CXCL13: variants seen among roughly 807,000 people sequenced by gnomAD.
CXCL13 encodes the protein C-X-C motif chemokine ligand 13, also known as C-X-C motif chemokine 13.
CXCL13 carries 7 observed loss-of-function variants against 12.2 expected under a neutral mutation model. That is an observed-to-expected ratio of 0.57 (90% CI 0.33 to 1.07). The LOEUF (loss-of-function observed/expected upper bound fraction) is 1.07. Ranked by LOEUF, CXCL13 falls within the 50% of genes least tolerant of loss-of-function variation. CXCL13 has a pLI of 0.04. For missense variants in CXCL13, 113 were observed against 127.4 expected, an observed-to-expected ratio of 0.89 and a Z score of 0.55; for synonymous variants, 47 against 42.4, an observed-to-expected ratio of 1.11 and a Z score of -0.42.
rs1163082932 is a variant in CXCL13 at position 77,596,809 on chromosome 4, GA to G, written c.-42-9010del. ...TCAAAAAAAAAAAAAAAAAAGAAAA[GA>G]AAAAGAAGAAAAGAAAGAAGTCAAT... On this transcript the variant is annotated intron_variant, in intron 1 of 4. Coordinates refer to the CXCL13 transcript ENST00000286758. 4.8e-5 allele frequency among the ~76,000 whole-genome samples: 7 copies of G among 146,638 alleles called. No homozygotes were observed. In the East Asian group the frequency reaches 1.2e-3, roughly 25 times the overall value.
chr4:77,590,758 T>C (rs1726584892), intron 1 of CXCL13, among the ~76,000 whole-genome samples: 1 of 152,220 alleles, frequency 6.6e-6, no homozygotes, highest in Non-Finnish European at 1.5e-5. Flanking sequence ...ACATGTGTAG[T>C]TCTTTGCTCC....
intron 1 of CXCL13, among the ~76,000 whole-genome samples, chr4:77,564,953 C>G (rs1366410731): frequency 1.3e-5 from 2 of 152,154 alleles, no homozygotes; most frequent in South Asian, 2.1e-4. Flanking sequence ...CCTTGGGGAG[C>G]CCACACGGGG....
At chr4:77,577,632 C>T (rs2109822412) in intron 1 of CXCL13, among the ~76,000 whole-genome samples, 1 of 152,254 alleles carries the variant, frequency 6.6e-6, no homozygotes, top group African/African-American at 2.4e-5. Context: ...GTGGATATTC[C>T]CACCACCTAG....
chr4:77,589,977 G>A (rs2866440), intron 1 of CXCL13, among the ~76,000 whole-genome samples: 1 of 151,566 alleles, frequency 6.6e-6, no homozygotes, highest in South Asian at 2.1e-4. Context: ...CCCCATATTC[G>A]CATCTCCCAT....
intron 1 of CXCL13, among the ~76,000 whole-genome samples, chr4:77,536,348 G>A (rs923125854): frequency 2.6e-5 from 4 of 152,098 alleles, no homozygotes; most frequent in Non-Finnish European, 5.9e-5. Context: ...GAGGTGTTCC[G>A]AAGCATAGTT....
intron 1 of CXCL13, among the ~76,000 whole-genome samples, chr4:77,531,753 A>G (rs1010063189): frequency 6.6e-6 from 1 of 152,180 alleles, no homozygotes; most frequent in African/African-American, 2.4e-5. Context: ...ATATATATTT[A>G]GGATAGTTAG....
intron 1 of CXCL13, among the ~76,000 whole-genome samples, chr4:77,567,589 A>T (rs1470414092): frequency 2.0e-5 from 3 of 152,178 alleles, no homozygotes; most frequent in Non-Finnish European, 4.4e-5. Context: ...GGTCAGAAAG[A>T]ACCCTCTGAT....
At chr4:77,552,193 A>C (rs368064176) in intron 1 of CXCL13, among the ~76,000 whole-genome samples, 1 of 152,248 alleles carries the variant, frequency 6.6e-6, no homozygotes. Context: ...GTTCCTTCTT[A>C]CCTAGAGATG....
intron 1 of CXCL13, among the ~76,000 whole-genome samples, chr4:77,572,211 G>A (rs973345110): frequency 2.0e-5 from 3 of 151,824 alleles, no homozygotes; most frequent in Non-Finnish European, 2.9e-5. Context: ...GACCAGTCTG[G>A]CCAACAAGGT....
At chr4:77,538,374 T>C (rs960656053) in intron 1 of CXCL13, among the ~76,000 whole-genome samples, 4 of 151,856 alleles carry the variant, frequency 2.6e-5, no homozygotes, top group Admixed American at 2.0e-4. Flanking sequence ...TCATTATTTA[T>C]CTTGAGGGTG....
intron 1 of CXCL13, among the ~76,000 whole-genome samples, chr4:77,569,885 C>T (rs1477702872): frequency 6.6e-6 from 1 of 152,174 alleles, no homozygotes; most frequent in African/African-American, 2.4e-5. Context: ...TACTACAGGG[C>T]TACAGTAACC....
At chr4:77,546,850 C>A (rs1022158855) in intron 1 of CXCL13, among the ~76,000 whole-genome samples, 4 of 152,184 alleles carry the variant, frequency 2.6e-5, no homozygotes, top group African/African-American at 7.2e-5. Flanking sequence ...GATTTTAGAT[C>A]TTTCCTGCTT....
intron 1 of CXCL13, among the ~76,000 whole-genome samples, chr4:77,547,596 C>T (rs1725400434): frequency 6.6e-6 from 1 of 152,028 alleles, no homozygotes; most frequent in African/African-American, 2.4e-5. Flanking sequence ...GTAGATCTTC[C>T]TCCATCCCTT....
At chr4:77,515,619 G>C (rs1351206428) in intron 1 of CXCL13, among the ~76,000 whole-genome samples, 2 of 152,034 alleles carry the variant, frequency 1.3e-5, no homozygotes, top group East Asian at 3.9e-4. Flanking sequence ...GTCTGTTATT[G>C]GTGTATAAGA....
intron 1 of CXCL13, among the ~76,000 whole-genome samples, chr4:77,538,778 T>A (rs1392598029): frequency 6.6e-6 from 1 of 152,098 alleles, no homozygotes; most frequent in Non-Finnish European, 1.5e-5. Context: ...CCACTGTACG[T>A]GTGGGCAAAG....
intron 1 of CXCL13, among the ~76,000 whole-genome samples, chr4:77,516,883 C>T (rs1001213143): frequency 1.3e-5 from 2 of 152,154 alleles, no homozygotes; most frequent in African/African-American, 4.8e-5. Flanking sequence ...TTTTCTACTT[C>T]TTTTAATTTG....
intron 1 of CXCL13, among the ~76,000 whole-genome samples, chr4:77,546,862 C>G (rs924650860): frequency 6.6e-6 from 1 of 152,184 alleles, no homozygotes; most frequent in African/African-American, 2.4e-5. Flanking sequence ...TTCCTGCTTT[C>G]TCTTATGGGC....
chr4:77,564,916 G>A (rs1388204997), intron 1 of CXCL13, among the ~76,000 whole-genome samples: 2 of 152,156 alleles, frequency 1.3e-5, no homozygotes, highest in Non-Finnish European at 2.9e-5. Flanking sequence ...GTTAGGGTGG[G>A]GGCAACCAAA....
chr4:77,569,754 T>C (rs1349487901), intron 1 of CXCL13, among the ~76,000 whole-genome samples: 1 of 152,154 alleles, frequency 6.6e-6, no homozygotes, highest in Non-Finnish European at 1.5e-5. Context: ...AGGACATTCT[T>C]CACAGAACTA....
Sources: gnomAD v4.1 joint callset for allele counts (sites outside exome capture counted in the v4.1 genomes callset) on GRCh38, gnomAD v4.1.1 for gene constraint, MANE v1.5 for transcripts, NCBI Gene and HGNC (gene_info 2026-07-23, HGNC 2026-07-21) for gene names.